Variants in COL26A1 observed in about 807,000 individuals in gnomAD.
COL26A1 encodes the protein collagen type XXVI alpha 1 chain.
COL26A1 carries 41 observed loss-of-function variants against 59.3 expected under a neutral mutation model. The observed-to-expected ratio is 0.69, with a 90% CI of 0.54 to 0.90. The LOEUF (loss-of-function observed/expected upper bound fraction) is 0.90. COL26A1 is among the 40% of genes least tolerant of loss of function. COL26A1 has a pLI of 0.00. For synonymous variants in COL26A1, 266 were observed against 256.0 expected, an observed-to-expected ratio of 1.04 and a Z score of -0.37; for missense variants, 612 against 602.3, an observed-to-expected ratio of 1.02 and a Z score of -0.17.
Position 101,549,238 on chromosome 7 carries a change from AT to A in COL26A1, c.993+19del. ...CTGGATCCCAGGTAAGGACTTTGCC[AT>A]TTTAGGTAGGGTGTGGGAGGCGGCG... On this transcript the variant is annotated intron_variant, in intron 9 of 12. Coordinates refer to ENST00000313669, the MANE Select transcript of COL26A1 (RefSeq NM_001278563.3). The A allele has an allele frequency of 6.3e-7, 1 of 1,597,498 alleles. No homozygotes were observed. Among genetic ancestry groups the A allele is most frequent in the Admixed American group, 1.7e-5 (1 of 58,684 alleles).
chr7:101,531,593 G>T (rs187117154), intron 3 of COL26A1, among the ~76,000 whole-genome samples: 16 of 152,178 alleles, frequency 1.1e-4, no homozygotes, highest in Non-Finnish European at 2.2e-4. Flanking sequence ...GAGGGAGAGG[G>T]GCCCTCTGCT....
At chr7:101,492,432 C>A (rs1035849308) in intron 3 of COL26A1, among the ~76,000 whole-genome samples, 1 of 151,854 alleles carries the variant, frequency 6.6e-6, no homozygotes, top group South Asian at 2.1e-4. Context: ...CGCGGTGGCT[C>A]ATGCCTGTAA....
chr7:101,437,267 T>G (rs757511966), intron 2 of COL26A1, among the ~76,000 whole-genome samples: 1 of 151,986 alleles, frequency 6.6e-6, no homozygotes, highest in African/African-American at 2.4e-5. Flanking sequence ...TGTGGGCTAG[T>G]CAGGGTGGGC....
At chr7:101,523,778 G>A (rs967244647) in intron 3 of COL26A1, among the ~76,000 whole-genome samples, 1 of 151,956 alleles carries the variant, frequency 6.6e-6, no homozygotes, top group African/African-American at 2.4e-5. Flanking sequence ...CTCAATTCTA[G>A]TAGTATAAAT....
intron 3 of COL26A1, among the ~76,000 whole-genome samples, chr7:101,449,497 G>A (rs1357124361): frequency 6.6e-6 from 1 of 152,224 alleles, no homozygotes; most frequent in Non-Finnish European, 1.5e-5. Context: ...AGCCGGGAAT[G>A]GTGGCTTATG....
intron 3 of COL26A1, among the ~76,000 whole-genome samples, chr7:101,490,472 T>C (rs979516148): frequency 5.3e-5 from 8 of 151,628 alleles, no homozygotes; most frequent in African/African-American, 1.7e-4. Context: ...GAGGCCAAGG[T>C]GGGAGGATCA....
intron 1 of COL26A1, among the ~76,000 whole-genome samples, chr7:101,393,650 T>A (rs77008270): frequency 0.051 from 7,782 of 152,228 alleles, 660 homozygotes; most frequent in African/African-American, 0.18. Context: ...TTTCATCATG[T>A]TGGCTGGGCT....
chr7:101,529,557 C>A (rs969592017), intron 3 of COL26A1, among the ~76,000 whole-genome samples: 3 of 152,164 alleles, frequency 2.0e-5, no homozygotes, highest in Non-Finnish European at 4.4e-5. Context: ...CCATGCCCGG[C>A]CTCATCACCC....
chr7:101,391,832 G>A (rs533532553), intron 1 of COL26A1, among the ~76,000 whole-genome samples: 8 of 151,448 alleles, frequency 5.3e-5, no homozygotes, highest in Non-Finnish European at 1.0e-4. Flanking sequence ...TGGGGTTATA[G>A]GCATGAGCCA....
intron 3 of COL26A1, among the ~76,000 whole-genome samples, chr7:101,463,646 CCTTCCATCCTTCCA>C (rs1793672222): frequency 1.9e-5 from 2 of 103,042 alleles, no homozygotes; most frequent in Non-Finnish European, 4.0e-5. Context: ...TTCCTTCCAT[CCTTCCATCCTTCCA>C]TCCTTCCTTC....
chr7:101,495,722 G>C (rs189559888), intron 3 of COL26A1, among the ~76,000 whole-genome samples: 2 of 148,826 alleles, frequency 1.3e-5, no homozygotes, highest in African/African-American at 4.9e-5. Flanking sequence ...CCCGGCCAGC[G>C]TAGGGTATTT....
At chr7:101,454,509 T>C (rs1028859583) in intron 3 of COL26A1, among the ~76,000 whole-genome samples, 5 of 152,100 alleles carry the variant, frequency 3.3e-5, no homozygotes, top group African/African-American at 1.2e-4. Context: ...TCCACCCACC[T>C]CGGCCTCCCA....
chr7:101,511,816 GA>G (rs1253349662), intron 3 of COL26A1, among the ~76,000 whole-genome samples: 1 of 152,088 alleles, frequency 6.6e-6, no homozygotes, highest in Non-Finnish European at 1.5e-5. Context: ...AACATAGTAA[GA>G]CTCCATCTCT....
intron 10 of COL26A1, 95 bp downstream of exon 10, chr7:101,551,238 T>TC: frequency 8.1e-6 from 4 of 491,342 alleles, no homozygotes; most frequent in African/African-American, 2.1e-5. Context: ...GGTGGGGGGG[T>TC]TCAGCCCTGG....
intron 3 of COL26A1, among the ~76,000 whole-genome samples, chr7:101,459,283 C>A (rs1793551249): frequency 6.6e-6 from 1 of 151,752 alleles, no homozygotes; most frequent in South Asian, 2.1e-4. Context: ...CCCTAGAGTT[C>A]TTTTGTTTGT....
Position 101,544,101 on chromosome 7 carries a change from GA to G in COL26A1, c.703+9del, listed in dbSNP as rs756243191. 73 of 1,594,336 alleles carry G rather than the reference GA, an allele frequency of 4.6e-5. No homozygotes were observed. Among genetic ancestry groups the G allele is most frequent in the Non-Finnish European group, 5.6e-5 (65 of 1,170,290 alleles). On this transcript the variant is annotated splice_donor_region_variant and intron_variant, in intron 6 of 12. Transcript: ENST00000313669. ...AGGGTCCAGCGGGGCCGCCTGGTAA[GA>G]AAACCCCCCACATATGTGATGTTGT...
At chr7:101,442,967 G>A (rs528167336) in intron 2 of COL26A1, among the ~76,000 whole-genome samples, 57 of 152,306 alleles carry the variant, frequency 3.7e-4, no homozygotes, top group African/African-American at 1.4e-3. Flanking sequence ...GTGTTAGTTT[G>A]TGAGAGCTTG....
intron 3 of COL26A1, among the ~76,000 whole-genome samples, chr7:101,524,677 A>T (rs1182176396): frequency 6.6e-6 from 1 of 152,192 alleles, no homozygotes; most frequent in African/African-American, 2.4e-5. Flanking sequence ...ATGTAATTTC[A>T]TACTTTATGA....
chr7:101,502,651 A>G (rs1369519461), intron 3 of COL26A1, among the ~76,000 whole-genome samples: 1 of 152,194 alleles, frequency 6.6e-6, no homozygotes, highest in Non-Finnish European at 1.5e-5. Flanking sequence ...GGGACCCAGG[A>G]AAGGGGCTGT....
Sources: gnomAD v4.1 joint callset for allele counts (sites outside exome capture counted in the v4.1 genomes callset) on GRCh38, gnomAD v4.1.1 for gene constraint, MANE v1.5 for transcripts, NCBI Gene and HGNC (gene_info 2026-07-23, HGNC 2026-07-21) for gene names.